The following SBF2 variants were observed in gnomAD, a reference collection of about 807,000 sequenced individuals.
The protein encoded by SBF2 is myotubularin-related protein 13.
SBF2 carries 112 observed loss-of-function variants against 225.2 expected under a neutral mutation model. The ratio of observed to expected loss-of-function variants is 0.50; its 90% CI spans 0.43 to 0.58. The LOEUF (loss-of-function observed/expected upper bound fraction) is 0.58. SBF2 is among the 20% of genes least tolerant of loss of function. The pLI is 0.00. For synonymous variants in SBF2, 763 were observed against 773.3 expected (o/e 0.99, Z 0.22); for missense variants, 1,996 against 2,206.2 (o/e 0.90, Z 1.91).
chr11:9,900,787 T>A (rs549076230), intron 16 of SBF2, among the ~76,000 whole-genome samples: 1 of 152,198 alleles, frequency 6.6e-6, no homozygotes, highest in Non-Finnish European at 1.5e-5. Flanking sequence ...TTGCCTAGGC[T>A]GTGCAGTGGC....
At chr11:10,225,088 T>C (rs1421579004) in intron 1 of SBF2, among the ~76,000 whole-genome samples, 2 of 152,170 alleles carry the variant, frequency 1.3e-5, no homozygotes, top group African/African-American at 4.8e-5. Context: ...GCTCATAGTG[T>C]ATTTTTATTA....
At chr11:10,133,545 T>A (rs376044999) in intron 2 of SBF2, among the ~76,000 whole-genome samples, 2 of 134,446 alleles carry the variant, frequency 1.5e-5, no homozygotes, top group Non-Finnish European at 3.4e-5. Flanking sequence ...GCCACTGGCC[T>A]GGGTGCTAAG....
chr11:9,842,524 T>C lies in SBF2; in HGVS notation c.3256+101A>G, dbSNP rs1856234505. ...AGTGCTTCCATCTTCTCATGAGATCTAGGTTTTTGTGAATCAAGATGTAAG... is the reference window on the plus strand; with the variant it reads ...AGTGCTTCCATCTTCTCATGAGATCCAGGTTTTTGTGAATCAAGATGTAAG... On this transcript the variant is annotated intron_variant, in intron 25 of 39. Coordinates refer to ENST00000256190, the MANE Select transcript of SBF2 (RefSeq NM_030962.4). 5.7e-6 allele frequency: 7 copies of C among 1,222,752 alleles called. No homozygotes were observed. In the Admixed American group the frequency reaches 1.1e-4, roughly 19 times the overall value. The allele number at this position is 1,222,752 out of a possible 1,614,324, so 75.7% of individuals were successfully genotyped here. A position where few individuals can be genotyped will look rare whatever the true frequency, so the allele number is the denominator to read the frequency against.
intron 4 of SBF2, among the ~76,000 whole-genome samples, chr11:10,030,117 T>C (rs543213979): frequency 3.3e-5 from 5 of 152,316 alleles, no homozygotes; most frequent in African/African-American, 1.2e-4. Context: ...AAAACAGATG[T>C]TTGTGCTCTG....
intron 17 of SBF2, among the ~76,000 whole-genome samples, chr11:9,882,563 C>G (rs796619502): frequency 6.6e-6 from 1 of 152,100 alleles, no homozygotes; most frequent in East Asian, 1.9e-4. Flanking sequence ...AATCCCAGCA[C>G]TTTGGGAGGC....
At chr11:9,833,581 T>C (rs919272208) in intron 26 of SBF2, among the ~76,000 whole-genome samples, 4 of 151,610 alleles carry the variant, frequency 2.6e-5, no homozygotes, top group Admixed American at 1.3e-4. Context: ...CCACCATCCC[T>C]GGCTAATTTT....
chr11:9,802,272 A>G (rs908870560), intron 32 of SBF2, among the ~76,000 whole-genome samples: 2 of 152,198 alleles, frequency 1.3e-5, no homozygotes, highest in South Asian at 4.1e-4. Flanking sequence ...GAGCTAAGCC[A>G]ATTTCTTTTA....
At chr11:9,834,333 C>G (rs1295902904) in intron 26 of SBF2, among the ~76,000 whole-genome samples, 2 of 152,126 alleles carry the variant, frequency 1.3e-5, no homozygotes, top group Non-Finnish European at 2.9e-5. Context: ...CTTAGGTGAT[C>G]TGCCCGCCTC....
intron 33 of SBF2, among the ~76,000 whole-genome samples, chr11:9,792,159 C>T (rs763439870): frequency 1.2e-4 from 19 of 152,082 alleles, no homozygotes; most frequent in Non-Finnish European, 1.8e-4. Context: ...CAGCGTGGTG[C>T]GGTGGCTCAC....
At chr11:9,912,955 GA>G (rs1301465504) in intron 16 of SBF2, among the ~76,000 whole-genome samples, 1 of 152,148 alleles carries the variant, frequency 6.6e-6, no homozygotes, top group African/African-American at 2.4e-5. Flanking sequence ...AGGTAACTCA[GA>G]AAAAGTTGGG....
intron 28 of SBF2, among the ~76,000 whole-genome samples, chr11:9,827,292 C>A (rs1460256941): frequency 1.3e-5 from 2 of 152,156 alleles, no homozygotes; most frequent in African/African-American, 4.8e-5. Context: ...CTTTGGGAAG[C>A]CCAGGTGGGA....
chr11:10,298,712 A>C (rs1462220552), upstream of SBF2, among the ~76,000 whole-genome samples: 1 of 152,170 alleles, frequency 6.6e-6, no homozygotes, highest in Non-Finnish European at 1.5e-5. Context: ...CTAAGCAAGA[A>C]ATTTAATGAA....
At chr11:10,101,620 T>C (rs1265907372) in intron 2 of SBF2, among the ~76,000 whole-genome samples, 1 of 151,712 alleles carries the variant, frequency 6.6e-6, no homozygotes, top group Admixed American at 6.6e-5. Context: ...AAGAAATTCT[T>C]ACCAGTCAAA....
chr11:10,009,358 A>G (rs763846535), intron 6 of SBF2, among the ~76,000 whole-genome samples: 1 of 152,162 alleles, frequency 6.6e-6, no homozygotes, highest in Admixed American at 6.5e-5. Flanking sequence ...TGCTGCACCC[A>G]TCAACCTGTC....
chr11:10,172,097 G>C (rs967019677), intron 2 of SBF2, among the ~76,000 whole-genome samples: 2 of 151,806 alleles, frequency 1.3e-5, no homozygotes, highest in Non-Finnish European at 2.9e-5. Flanking sequence ...TTTTTGTTTT[G>C]TTGATCTTTT....
chr11:9,950,393 C>T (rs943592844), intron 16 of SBF2, among the ~76,000 whole-genome samples: 6 of 152,226 alleles, frequency 3.9e-5, no homozygotes, highest in African/African-American at 1.2e-4. Flanking sequence ...CAAATCAGAA[C>T]ATCTGATGAT....
chr11:9,920,528 A>C (rs1402471761), intron 16 of SBF2, among the ~76,000 whole-genome samples: 1 of 152,194 alleles, frequency 6.6e-6, no homozygotes, highest in Non-Finnish European at 1.5e-5. Flanking sequence ...CATATACTTA[A>C]AGGAATTTTA....
chr11:10,235,107 GATA>G (rs1959010543), intron 1 of SBF2, among the ~76,000 whole-genome samples: 2 of 152,140 alleles, frequency 1.3e-5, no homozygotes, highest in South Asian at 4.1e-4. Flanking sequence ...ATTGAAATGA[GATA>G]ATATCAAGTT....
intron 16 of SBF2, among the ~76,000 whole-genome samples, chr11:9,953,106 C>T (rs904273086): frequency 1.3e-5 from 2 of 152,208 alleles, no homozygotes; most frequent in Non-Finnish European, 2.9e-5. Flanking sequence ...TGCAAAAATG[C>T]GGAGCCAACC....
Sources: allele counts gnomAD v4.1 joint callset (sites outside exome capture counted in the v4.1 genomes callset), GRCh38; gene constraint gnomAD v4.1.1; transcripts MANE v1.5; gene names NCBI Gene and HGNC (gene_info 2026-07-23, HGNC 2026-07-21).